TGFBR3: variants seen among roughly 807,000 people sequenced by gnomAD.
TGFBR3 encodes the protein transforming growth factor beta receptor 3, also known as transforming growth factor beta receptor type 3.
A neutral mutation model predicts 87.9 loss-of-function variants in TGFBR3; 46 were observed. The ratio of observed to expected loss-of-function variants is 0.52; its 90% CI spans 0.41 to 0.67. The LOEUF (loss-of-function observed/expected upper bound fraction) is 0.67, where lower values mean the gene tolerates loss of function less well. TGFBR3 is among the 30% of genes least tolerant of loss of function. The pLI is 0.00. For synonymous variants in TGFBR3, 381 were observed against 391.6 expected (o/e 0.97, Z 0.32); for missense variants, 866 against 1,041.9 (o/e 0.83, Z 2.32).
At chr1:91,840,537 T>C (rs1677235790) in intron 2 of TGFBR3, among the ~76,000 whole-genome samples, 1 of 149,730 alleles carries the variant, frequency 6.7e-6, no homozygotes, top group Non-Finnish European at 1.5e-5. Flanking sequence ...GATTTTGTAA[T>C]ATCATGCATG....
At chr1:91,827,173 T>C (rs537863337) in intron 2 of TGFBR3, among the ~76,000 whole-genome samples, 22 of 152,210 alleles carry the variant, frequency 1.4e-4, no homozygotes, top group African/African-American at 4.1e-4. Flanking sequence ...GGGGACGCCG[T>C]AGGTGTGATG....
chr1:91,884,960 G>A (rs1679235286), intron 1 of TGFBR3, among the ~76,000 whole-genome samples: 1 of 152,214 alleles, frequency 6.6e-6, no homozygotes, highest in South Asian at 2.1e-4. Context: ...TGCCCTCGCC[G>A]CTCCTATCCT....
chr1:91,697,353 G>C (rs1358062676), intron 15 of TGFBR3, among the ~76,000 whole-genome samples: 2 of 152,164 alleles, frequency 1.3e-5, no homozygotes, highest in African/African-American at 4.8e-5. Flanking sequence ...TAAATGTAGT[G>C]AATCAGCCAC....
intron 8 of TGFBR3, among the ~76,000 whole-genome samples, chr1:91,720,867 G>C (rs757194503): frequency 2.0e-5 from 3 of 152,072 alleles, no homozygotes; most frequent in Non-Finnish European, 2.9e-5. Context: ...CCTTCTTTTT[G>C]ACAGCTAAAT....
intron 2 of TGFBR3, among the ~76,000 whole-genome samples, chr1:91,805,756 G>A (rs985239887): frequency 1.3e-5 from 2 of 152,184 alleles, no homozygotes; most frequent in Non-Finnish European, 2.9e-5. Flanking sequence ...ACACCACTAG[G>A]GGCCACACAT....
intron 2 of TGFBR3, among the ~76,000 whole-genome samples, chr1:91,849,945 G>A (rs1181068422): frequency 6.6e-6 from 1 of 151,962 alleles, no homozygotes; most frequent in African/African-American, 2.4e-5. Context: ...AGCCGGGCAT[G>A]GTGGCGGGTG....
chr1:91,719,827 A>G, intron 9 of TGFBR3, 66 bp downstream of exon 9: 1 of 1,556,736 alleles, frequency 6.4e-7, no homozygotes, highest in Non-Finnish European at 8.9e-7. Flanking sequence ...GAAATTACAG[A>G]TGCAGACTAG....
chr1:91,747,178 C>A (rs1018208582), intron 4 of TGFBR3, among the ~76,000 whole-genome samples: 8 of 152,192 alleles, frequency 5.3e-5, no homozygotes, highest in African/African-American at 1.9e-4. Context: ...GATGCTCTTT[C>A]CACTGTGGGA....
At chr1:91,866,866 T>C (rs1341952072) in intron 1 of TGFBR3, 3 of 152,174 alleles carry the variant, frequency 2.0e-5, no homozygotes, top group Non-Finnish European at 2.9e-5. Flanking sequence ...AGAAGAGGAA[T>C]AAGTTCAAGG....
At chr1:91,841,666 G>T (rs549439350) in intron 2 of TGFBR3, among the ~76,000 whole-genome samples, 1 of 151,600 alleles carries the variant, frequency 6.6e-6, no homozygotes, top group Non-Finnish European at 1.5e-5. Flanking sequence ...TGGTGGTGTG[G>T]GCCTGTAATC....
intron 2 of TGFBR3, among the ~76,000 whole-genome samples, chr1:91,812,168 T>A (rs1053690971): frequency 3.9e-5 from 6 of 152,186 alleles, no homozygotes; most frequent in African/African-American, 1.4e-4. Flanking sequence ...TGTCTCAAGA[T>A]TTGCACAGAA....
chr1:91,719,582 G>A, intron 9 of TGFBR3, 118 bp from the exon 10 acceptor site: 1 of 1,285,582 alleles, frequency 7.8e-7, no homozygotes, highest in Non-Finnish European at 1.1e-6. Flanking sequence ...CCTGCATCGT[G>A]CCCCTTCCCC....
upstream of TGFBR3, among the ~76,000 whole-genome samples, chr1:91,887,262 T>TTTTTTTTTTTTTTTTTG (rs1165045165): frequency 2.6e-4 from 32 of 125,274 alleles, 1 homozygote; most frequent in African/African-American, 6.9e-4. Flanking sequence ...TTTTTTTTTT[T>TTTTTTTTTTTTTTTTTG]TGAGATGGAG....
At position 91,683,823 on chromosome 1, in the gene TGFBR3, G is replaced by T; in HGVS notation, c.2472C>A (p.Ser824=). The T allele has an allele frequency of 6.2e-7, 1 of 1,607,574 alleles. No homozygotes were observed. Among genetic ancestry groups the T allele is most frequent in the Non-Finnish European group, 8.5e-7 (1 of 1,177,292 alleles). Residue 824 remains serine (S), a synonymous_variant, in exon 17 of 17, where the codon TCC becomes TCA. Transcript: ENST00000212355. ...ETAGRQQVPT[S]PPASENSSAA... ...CACTGCTGTTTTCCGAGGCTGGCGG[G>T]GAGGTGGGGACTTGCTGCCTTCCTG...
At chr1:91,773,388 C>T (rs1674453416) in intron 3 of TGFBR3, among the ~76,000 whole-genome samples, 1 of 151,912 alleles carries the variant, frequency 6.6e-6, no homozygotes, top group Non-Finnish European at 1.5e-5. Flanking sequence ...GTCTTCAGGA[C>T]AGATCTCTAG....
At chr1:91,881,494 T>C (rs1244159611) in intron 1 of TGFBR3, among the ~76,000 whole-genome samples, 1 of 152,148 alleles carries the variant, frequency 6.6e-6, no homozygotes, top group Non-Finnish European at 1.5e-5. Flanking sequence ...ATAAGGACAA[T>C]TAATTTGCCA....
chr1:91,771,907 T>C (rs1674394100), intron 3 of TGFBR3, among the ~76,000 whole-genome samples: 1 of 151,574 alleles, frequency 6.6e-6, no homozygotes, highest in African/African-American at 2.4e-5. Context: ...TACAAACACA[T>C]CTGTGGGCAG....
intron 4 of TGFBR3, among the ~76,000 whole-genome samples, chr1:91,757,004 C>A (rs1020390616): frequency 3.3e-5 from 5 of 152,112 alleles, no homozygotes; most frequent in African/African-American, 4.8e-5. Flanking sequence ...ATATTTTAAT[C>A]TATAGGCTCA....
intron 3 of TGFBR3, among the ~76,000 whole-genome samples, chr1:91,792,750 T>G (rs1675241979): frequency 6.6e-6 from 1 of 152,230 alleles, no homozygotes; most frequent in African/African-American, 2.4e-5. Context: ...GGCTGCATTT[T>G]ACTTCAAAGT....
Sources: allele counts gnomAD v4.1 joint callset (sites outside exome capture counted in the v4.1 genomes callset), GRCh38; gene constraint gnomAD v4.1.1; transcripts MANE v1.5; gene names NCBI Gene and HGNC (gene_info 2026-07-23, HGNC 2026-07-21).